Variants in ELF1 observed in about 807,000 individuals in gnomAD.
ELF1 encodes the protein E74 like ETS transcription factor 1, also known as ETS-related transcription factor Elf-1.
Under a neutral mutation model 59.9 loss-of-function variants are expected in ELF1, and 24 were observed. The ratio of observed to expected loss-of-function variants is 0.40; its 90% confidence interval spans 0.29 to 0.56. The LOEUF (loss-of-function observed/expected upper bound fraction) is 0.56, where lower values mean the gene tolerates loss of function less well. Among genes scored for constraint, ELF1 ranks in the 20% least tolerant of loss-of-function variants. The pLI, the probability that ELF1 is intolerant of heterozygous loss-of-function variation, is 0.44. For synonymous variants in ELF1, 248 were observed against 266.2 expected (o/e 0.93, Z 0.67); for missense variants, 627 against 742.2 (o/e 0.84, Z 1.80).
intron 6 of ELF1, 127 bp from the exon 7 acceptor site, chr13:40,943,271 T>C (rs1870299161): frequency 3.6e-6 from 3 of 829,930 alleles, no homozygotes; most frequent in African/African-American, 1.7e-5. Context: ...TCAGTTAGTA[T>C]TGGTGACATA....
intron 1 of ELF1, among the ~76,000 whole-genome samples, chr13:41,051,918 CTTTCTTTCTTTTTCTCTTTTTTTTTT>C (rs1182763676): frequency 6.9e-6 from 1 of 144,286 alleles, no homozygotes; most frequent in African/African-American, 2.6e-5. Context: ...AATCACTTTT[CTTTCTTTCTTTTTCTCTTTTTTTTTT>C]TTTTTTTTTT....
At chr13:40,963,335 C>T (rs1871963380) in intron 2 of ELF1, among the ~76,000 whole-genome samples, 1 of 152,220 alleles carries the variant, frequency 6.6e-6, no homozygotes, top group African/African-American at 2.4e-5. Flanking sequence ...ATGAGTTTCA[C>T]TATTATTTCC....
intron 1 of ELF1, among the ~76,000 whole-genome samples, chr13:41,040,748 T>C (rs1162358213): frequency 6.6e-6 from 1 of 152,160 alleles, no homozygotes; most frequent in Non-Finnish European, 1.5e-5. Flanking sequence ...GCCTGGTTCC[T>C]AACAGGCCAC....
In ELF1 at chr13:40,953,449, A is replaced by G. The variant is rs868089455; in HGVS notation, c.254-2013T>C. ...GGTTAGTGTCCCTCTAAGATGAAAT[A>G]TGAACACTGGCAGGTACAAAACATA... On this transcript the variant is annotated intron_variant, in intron 3 of 8. Transcript: ENST00000239882. 5.9e-5 allele frequency among the ~76,000 whole-genome samples: 9 copies of G among 152,348 alleles called. No homozygotes were observed. The South Asian group carries it at 1.0e-3, about 18-fold the overall frequency.
chr13:41,041,926 A>C (rs1876627098), intron 1 of ELF1, among the ~76,000 whole-genome samples: 1 of 152,234 alleles, frequency 6.6e-6, no homozygotes, highest in African/African-American at 2.4e-5. Flanking sequence ...AGACTAAGTC[A>C]GTGGGAAGGT....
At position 40,942,423 on chromosome 13, in the gene ELF1, T is replaced by C. The variant is rs143861372; in HGVS notation, c.806+529A>G. On this transcript the variant is annotated intron_variant, in intron 7 of 8. Transcript: ENST00000239882. The stretch of plus-strand genomic sequence containing the variant: ...AAAAGTGAGCTTAAGAATGTTACTC[T>C]TGTTCAAAATTCTCATGATTTCTAG... Among the ~76,000 whole-genome samples the C allele has an allele frequency of 6.2e-4, 94 of 152,368 alleles. 1 individual carries two copies. In the East Asian group the frequency reaches 0.016, roughly 26 times the overall value.
chr13:41,025,828 G>C (rs1046866725), intron 1 of ELF1, among the ~76,000 whole-genome samples: 1 of 152,196 alleles, frequency 6.6e-6, no homozygotes, highest in Non-Finnish European at 1.5e-5. Flanking sequence ...GATTGCAGCT[G>C]CTGTACCAGA....
chr13:40,933,267 G>C lies in ELF1; in HGVS notation c.*158C>G. 1.1e-6 allele frequency: 1 copy of C among 894,868 alleles called. No individual in the cohort carries two copies. The highest frequency in any genetic ancestry group is 1.6e-6 in the Non-Finnish European group (1 of 616,938). The allele number at this position is 894,868 out of a possible 1,614,324, so 55.4% of individuals were successfully genotyped here. A position where few individuals can be genotyped will look rare whatever the true frequency, so the allele number is the denominator to read the frequency against. ...ATTTAGATAACAAAGAGAAACAGTTGAGTTTTCCTCCCTCATCTAACAAAG... is the reference window on the plus strand; with the variant it reads ...ATTTAGATAACAAAGAGAAACAGTTCAGTTTTCCTCCCTCATCTAACAAAG... On this transcript the variant is annotated 3_prime_UTR_variant, in exon 9 of 9. Transcript: ENST00000239882.
rs755998388 is a variant in ELF1 at position 40,932,870 on chromosome 13, G to T, written c.*555C>A. The T allele has an allele frequency of 1.3e-5, 2 of 153,256 alleles. No homozygotes were observed. Among genetic ancestry groups the T allele is most frequent in the Non-Finnish European group, 2.9e-5 (2 of 68,666 alleles). The allele number at this position is 153,256 out of a possible 1,614,324, so 9.5% of individuals were successfully genotyped here. On this transcript the variant is annotated 3_prime_UTR_variant, in exon 9 of 9. Transcript: ENST00000239882. ...TTTATACTATCCTGCTTCTGAAACAGGGTCAGCCATACCACCAGCACCTCC... is the reference window on the plus strand; with the variant it reads ...TTTATACTATCCTGCTTCTGAAACATGGTCAGCCATACCACCAGCACCTCC...
chr13:41,010,963 T>C (rs1875031900), intron 1 of ELF1, among the ~76,000 whole-genome samples: 1 of 152,192 alleles, frequency 6.6e-6, no homozygotes, highest in Non-Finnish European at 1.5e-5. Flanking sequence ...GTTTCCACAT[T>C]TACATTGTTA....
intron 1 of ELF1, among the ~76,000 whole-genome samples, chr13:41,055,730 G>A (rs1877263813): frequency 6.6e-6 from 1 of 151,956 alleles, no homozygotes; most frequent in Non-Finnish European, 1.5e-5. Context: ...TGTTGCCCAG[G>A]CTGGAGTTCA....
chr13:40,976,577 T>G (rs1048295094), intron 2 of ELF1, among the ~76,000 whole-genome samples: 1 of 152,230 alleles, frequency 6.6e-6, no homozygotes, highest in African/African-American at 2.4e-5. Flanking sequence ...GTTTCACTCT[T>G]GTTGCCCAGG....
At chr13:41,050,151 C>T (rs1877027098) in intron 1 of ELF1, among the ~76,000 whole-genome samples, 1 of 152,138 alleles carries the variant, frequency 6.6e-6, no homozygotes, top group Admixed American at 6.5e-5. Flanking sequence ...ACTCTATATC[C>T]ATTAAGCAAT....
At chr13:40,953,776 C>T (rs776346383) in intron 3 of ELF1, among the ~76,000 whole-genome samples, 1 of 152,160 alleles carries the variant, frequency 6.6e-6, no homozygotes, top group Non-Finnish European at 1.5e-5. Flanking sequence ...ACGAAGATTA[C>T]AAGGTTCTTC....
Position 40,999,020 on chromosome 13 carries a change from T to C in ELF1, c.-228-16738A>G, listed in dbSNP as rs1874267145. ...AAACAAAAAAAGAATAGTTTAGTTA[T>C]GCTTATTTGATGCATCCAGAACTAA... On this transcript the variant is annotated intron_variant, in intron 1 of 8. Coordinates refer to ENST00000239882, the MANE Select transcript of ELF1 (RefSeq NM_172373.4). 2.0e-5 allele frequency among the ~76,000 whole-genome samples: 3 copies of C among 152,222 alleles called. 1 individual carries two copies. Among genetic ancestry groups the C allele is most frequent in the Admixed American group, 2.0e-4 (3 of 15,274 alleles).
intron 1 of ELF1, among the ~76,000 whole-genome samples, chr13:41,036,050 G>A (rs751372246): frequency 9.2e-5 from 14 of 151,782 alleles, no homozygotes; most frequent in Non-Finnish European, 7.4e-5. Flanking sequence ...GACCACAGGT[G>A]CCCGCCACCA....
chr13:41,058,400 C>A (rs1418843063), intron 1 of ELF1, among the ~76,000 whole-genome samples: 1 of 152,198 alleles, frequency 6.6e-6, no homozygotes, highest in Admixed American at 6.5e-5. Flanking sequence ...CCACTCTCCC[C>A]TCTAGGTCTC....
At chr13:40,960,009 C>T (rs1871715927) in intron 2 of ELF1, among the ~76,000 whole-genome samples, 1 of 152,176 alleles carries the variant, frequency 6.6e-6, no homozygotes, top group Non-Finnish European at 1.5e-5. Context: ...ATACAACCTT[C>T]ACCCATATTC....
At position 40,933,276 on chromosome 13, in the gene ELF1, T is replaced by C. The variant is rs1869529565; in HGVS notation, c.*149A>G. The C allele has an allele frequency of 4.0e-6, 4 of 998,440 alleles. No individual in the cohort carries two copies. Among genetic ancestry groups the C allele is most frequent in the Non-Finnish European group, 5.6e-6 (4 of 708,080 alleles). The allele number at this position is 998,440 out of a possible 1,614,324, so 61.8% of individuals were successfully genotyped here. ...ACAAAGAGAAACAGTTGAGTTTTCC[T>C]CCCTCATCTAACAAAGTCAAAATTA... is the stretch of plus-strand genomic sequence containing the variant. On this transcript the variant is annotated 3_prime_UTR_variant, in exon 9 of 9. Coordinates refer to ENST00000239882, the MANE Select transcript of ELF1 (RefSeq NM_172373.4).
Sources: gnomAD v4.1 joint callset for allele counts (sites outside exome capture counted in the v4.1 genomes callset) on GRCh38, gnomAD v4.1.1 for gene constraint, MANE v1.5 for transcripts, NCBI Gene and HGNC (gene_info 2026-07-23, HGNC 2026-07-21) for gene names.